Variants in PDE4D observed in about 807,000 individuals in gnomAD.
PDE4D encodes 3',5'-cyclic-AMP phosphodiesterase 4D.
In PDE4D, 24 loss-of-function variants were observed where a neutral mutation model predicts 87.4. The observed-to-expected ratio is 0.27, with a 90% CI of 0.20 to 0.39. The LOEUF (loss-of-function observed/expected upper bound fraction) is 0.39, where lower values mean the gene tolerates loss of function less well. Among genes scored for constraint, PDE4D ranks in the 10% least tolerant of loss-of-function variants. The pLI is 1.00. For synonymous variants in PDE4D, 384 were observed against 383.2 expected (o/e 1.00, Z -0.02); for missense variants, 714 against 1,041.0 (o/e 0.69, Z 4.32).
intron 1 of PDE4D, among the ~76,000 whole-genome samples, chr5:59,371,724 C>G (rs154028): frequency 0.77 from 117,573 of 152,136 alleles, 46,004 homozygotes; most frequent in African/African-American, 0.88. Context: ...AGATAAGTTT[C>G]GGTATGAATA....
intron 1 of PDE4D, among the ~76,000 whole-genome samples, chr5:59,633,355 A>G (rs1229362784): frequency 1.3e-5 from 2 of 152,224 alleles, no homozygotes; most frequent in East Asian, 3.8e-4. Flanking sequence ...CTAGCAAGAC[A>G]GGCCAACATT....
At chr5:60,434,223 G>T (rs1468303251) in intron 1 of PDE4D, among the ~76,000 whole-genome samples, 1 of 152,140 alleles carries the variant, frequency 6.6e-6, no homozygotes, top group Non-Finnish European at 1.5e-5. Context: ...AAATTGAAAA[G>T]AGTTCTGTAA....
chr5:59,864,723 G>A (rs1037157002), intron 1 of PDE4D, among the ~76,000 whole-genome samples: 2 of 152,156 alleles, frequency 1.3e-5, no homozygotes, highest in Non-Finnish European at 2.9e-5. Flanking sequence ...CAGACTGGCA[G>A]TACCTTTCAC....
At chr5:60,261,633 T>C (rs563190570) in intron 1 of PDE4D, among the ~76,000 whole-genome samples, 9 of 152,102 alleles carry the variant, frequency 5.9e-5, no homozygotes, top group Non-Finnish European at 1.2e-4. Context: ...AAGAAAGAGG[T>C]GGGCTGAGTT....
chr5:59,104,837 G>A (rs1644168353), intron 5 of PDE4D, among the ~76,000 whole-genome samples: 1 of 152,084 alleles, frequency 6.6e-6, no homozygotes, highest in African/African-American at 2.4e-5. Flanking sequence ...CTTACTAGAT[G>A]GATGCTTTCT....
chr5:59,459,774 G>T (rs1562227792), intron 1 of PDE4D, among the ~76,000 whole-genome samples: 1 of 152,172 alleles, frequency 6.6e-6, no homozygotes, highest in Non-Finnish European at 1.5e-5. Context: ...AGTCCTGTGT[G>T]GTTGTTAACT....
chr5:60,332,181 A>C (rs6449466), intron 1 of PDE4D, among the ~76,000 whole-genome samples: 38,584 of 151,864 alleles, frequency 0.25, 5,305 homozygotes, highest in South Asian at 0.47. Flanking sequence ...ATTTTTTTTA[A>C]AATTTAAATT....
At position 58,977,314 on chromosome 5, in the gene PDE4D, G is replaced by A; in HGVS notation, c.1584C>T (p.Ser528=). 2 of 1,611,492 alleles carry A rather than the reference G, an allele frequency of 1.2e-6. No homozygotes were observed. Among genetic ancestry groups the A allele is most frequent in the East Asian group, 2.2e-5 (1 of 44,784 alleles). ...CCAAATGATGGTTCTCTAAGACTGA[G>A]GAATCATTGTACATCAAGGCAAGTT... The part of the protein sequence containing the change: ...NSELALMYND[S]SVLENHHLAV... The change falls in exon 12 of 15, where the codon TCC becomes TCT. Residue 528 remains serine, a synonymous_variant. Coordinates refer to ENST00000340635, the MANE Select transcript of PDE4D (RefSeq NM_001104631.2).
chr5:59,381,978 G>A (rs536191417), intron 1 of PDE4D, among the ~76,000 whole-genome samples: 1 of 152,092 alleles, frequency 6.6e-6, no homozygotes. Flanking sequence ...TTTTGTTCCT[G>A]AAAAGGCATC....
chr5:59,973,852 A>C (rs969753288), intron 3 of PDE4D, among the ~76,000 whole-genome samples: 3 of 152,142 alleles, frequency 2.0e-5, no homozygotes, highest in Non-Finnish European at 4.4e-5. Flanking sequence ...AACAAACAAA[A>C]AAATGACCCA....
chr5:59,220,070 C>T (rs950126814), intron 1 of PDE4D, among the ~76,000 whole-genome samples: 1 of 152,086 alleles, frequency 6.6e-6, no homozygotes, highest in African/African-American at 2.4e-5. Context: ...TTATGGAAAG[C>T]TGGGCCAAGG....
intron 1 of PDE4D, among the ~76,000 whole-genome samples, chr5:60,376,687 C>G (rs1019632854): frequency 6.6e-6 from 1 of 152,180 alleles, no homozygotes; most frequent in Non-Finnish European, 1.5e-5. Flanking sequence ...TCTGGTCCTT[C>G]CCTCTGCCTC....
chr5:59,886,734 C>T (rs1750213483), intron 1 of PDE4D, among the ~76,000 whole-genome samples: 1 of 151,878 alleles, frequency 6.6e-6, no homozygotes, highest in South Asian at 2.1e-4. Flanking sequence ...ACTCAGACCA[C>T]GGCCAGAATT....
At chr5:59,351,812 C>A (rs542610790) in intron 1 of PDE4D, among the ~76,000 whole-genome samples, 15 of 152,228 alleles carry the variant, frequency 9.9e-5, no homozygotes, top group Non-Finnish European at 1.9e-4. Flanking sequence ...GATTACTAAG[C>A]CCTATTCTAT....
intron 6 of PDE4D, among the ~76,000 whole-genome samples, chr5:59,006,597 A>G (rs1751675225): frequency 6.6e-6 from 1 of 151,962 alleles, no homozygotes; most frequent in African/African-American, 2.4e-5. Context: ...AGAAAAAAAA[A>G]ATTCCCATAA....
At chr5:59,254,805 T>G (rs1463575150) in intron 1 of PDE4D, among the ~76,000 whole-genome samples, 1 of 152,124 alleles carries the variant, frequency 6.6e-6, no homozygotes, top group Non-Finnish European at 1.5e-5. Context: ...ACCATCACCT[T>G]AAGTGCATAC....
chr5:59,451,013 T>C (rs1340274484), intron 1 of PDE4D, among the ~76,000 whole-genome samples: 1 of 152,232 alleles, frequency 6.6e-6, no homozygotes, highest in African/African-American at 2.4e-5. Flanking sequence ...TTTCTTGAAA[T>C]AATTTTGTTT....
intron 1 of PDE4D, among the ~76,000 whole-genome samples, chr5:59,844,630 T>C (rs1743541426): frequency 6.6e-6 from 1 of 152,010 alleles, no homozygotes; most frequent in Admixed American, 6.6e-5. Context: ...GCCTGGAAAA[T>C]CCTTCCTTGT....
chr5:59,972,078 T>G (rs1052718954), intron 3 of PDE4D, among the ~76,000 whole-genome samples: 1 of 152,152 alleles, frequency 6.6e-6, no homozygotes, highest in Non-Finnish European at 1.5e-5. Context: ...CCACTGGCCC[T>G]TCCACTCGAT....
Sources: allele counts gnomAD v4.1 joint callset (sites outside exome capture counted in the v4.1 genomes callset), GRCh38; gene constraint gnomAD v4.1.1; transcripts MANE v1.5; gene names NCBI Gene and HGNC (gene_info 2026-07-23, HGNC 2026-07-21).